SLC15A2: variants seen among roughly 807,000 people sequenced by gnomAD.
SLC15A2 encodes solute carrier family 15 member 2.
In SLC15A2, 77 loss-of-function variants were observed where a neutral mutation model predicts 95.5. The ratio of observed to expected loss-of-function variants is 0.81; its 90% CI spans 0.67 to 0.97. SLC15A2 has a LOEUF of 0.97. Among genes scored for constraint, SLC15A2 ranks in the 50% least tolerant of loss-of-function variants. The pLI, the probability that SLC15A2 is intolerant of heterozygous loss-of-function variation, is 0.00. For missense variants in SLC15A2, 893 were observed against 874.4 expected, an observed-to-expected ratio of 1.02 and a Z score of -0.27; for synonymous variants, 306 against 306.9, an observed-to-expected ratio of 1.00 and a Z score of 0.03.
rs142288462 is a variant in SLC15A2 at position 121,930,898 on chromosome 3, A to G, written c.1612A>G (p.Asn538Asp). 27 of 1,613,614 alleles carry G rather than the reference A, an allele frequency of 1.7e-5. No homozygotes were observed. The African/African-American group carries it at 3.6e-4, about 22-fold the overall frequency. ...NISLSTDTSL[N>D]VGEDYGVSAY... ...CTCCCTGAGTACAGATACCTCTCTC[A>G]ATGTTGGTGAAGACTATGGTGTGTC... The change falls in exon 18 of 22, where the codon AAT becomes GAT. Residue 538 changes from asparagine (N) to aspartate (D), a missense_variant. Asn to Asp is a conservative substitution (Grantham distance 23). Coordinates refer to ENST00000489711, the MANE Select transcript of SLC15A2 (RefSeq NM_021082.4).
intron 8 of SLC15A2, 127 bp from the exon 9 acceptor site, chr3:121,922,648 C>A: frequency 5.2e-6 from 3 of 581,740 alleles, no homozygotes; most frequent in East Asian, 5.9e-5. Flanking sequence ...AATTCAATGC[C>A]TGATTAGGTC....
rs777104856 is a variant in SLC15A2 at position 121,924,353 on chromosome 3, G to T, written c.1005G>T (p.Gly335=). ...LQAIRMNRNL[G]FFVLQPDQMQ... Reference sequence around the variant, plus strand: ...ATTAATTTGTTAAAATGTTTCAGGGGTTTTTTGTGCTTCAGCCGGACCAGA... The same window carrying T: ...ATTAATTTGTTAAAATGTTTCAGGGTTTTTTTGTGCTTCAGCCGGACCAGA... Residue 335 remains glycine (G), a splice_region_variant and synonymous_variant, in exon 12 of 22, where the codon GGG becomes GGT. Transcript: ENST00000489711. The T allele has an allele frequency of 3.7e-6, 6 of 1,612,734 alleles. No individual in the cohort carries two copies. Among genetic ancestry groups the T allele is most frequent in the East Asian group, 2.2e-5 (1 of 44,870 alleles).
At chr3:121,903,699 C>A (rs1709567141) in intron 3 of SLC15A2, among the ~76,000 whole-genome samples, 1 of 152,038 alleles carries the variant, frequency 6.6e-6, no homozygotes, top group Non-Finnish European at 1.5e-5. Context: ...TGTTCTGTTC[C>A]ATTGGTCTAT....
intron 7 of SLC15A2, among the ~76,000 whole-genome samples, chr3:121,921,643 G>T (rs1559848293): frequency 1.3e-5 from 2 of 152,110 alleles, no homozygotes; most frequent in South Asian, 2.1e-4. Flanking sequence ...CCAGGAGTTT[G>T]GGTCAGGTAA....
Position 121,931,643 on chromosome 3 carries a change from C to T in SLC15A2, c.1669C>T (p.Pro557Ser), listed in dbSNP as rs760481529. 6.2e-7 allele frequency: 1 copy of T among 1,606,254 alleles called. No homozygotes were observed. The highest frequency in any genetic ancestry group is 8.5e-7 in the Non-Finnish European group (1 of 1,173,004). Residue 557 changes from proline to serine, a missense_variant, in exon 19 of 22, where the codon CCT becomes TCT. By Grantham distance (74) the Pro-to-Ser change is moderately conservative. Transcript: ENST00000489711. ...AYRTVQRGEY[P>S]AVHCRTEDKN... ...CCTAAATTCATCCTGTTCCAGATAC[C>T]CTGCAGTGCACTGTAGAACAGAAGA...
At position 121,934,569 on chromosome 3, in the gene SLC15A2, G is replaced by T. The variant is rs1710301148; in HGVS notation, c.1761+2834G>T. ...TCATGATTTGGCTCTCTGTTTGTCT[G>T]TTATTGGTGTATAAGAATGCTTGTG... On this transcript the variant is annotated intron_variant, in intron 19 of 21. Coordinates refer to ENST00000489711, the MANE Select transcript of SLC15A2 (RefSeq NM_021082.4). 2.0e-5 allele frequency among the ~76,000 whole-genome samples: 3 copies of T among 150,646 alleles called. No homozygotes were observed. The South Asian group carries it at 6.3e-4, about 31-fold the overall frequency.
At chr3:121,897,332 T>G (rs924660339) in intron 2 of SLC15A2, 56 bp from the exon 3 acceptor site, 1 of 1,590,288 alleles carries the variant, frequency 6.3e-7, no homozygotes. Context: ...CATAAGTCAC[T>G]TTAATGCATC....
At chr3:121,920,267 C>T (rs1467846364) in intron 7 of SLC15A2, among the ~76,000 whole-genome samples, 8 of 152,060 alleles carry the variant, frequency 5.3e-5, no homozygotes, top group Non-Finnish European at 8.8e-5. Context: ...CAAAATTTTC[C>T]TTTGTCCAGG....
rs563688012 is a variant in SLC15A2, at chr3:121,924,273, C to A, written c.1003-78C>A. ...CATATGTTTCTCACTTGCTAACTAG[C>A]AAAATTATTGATCTAGGCCAACATT... On this transcript the variant is annotated intron_variant, in intron 11 of 21. Coordinates refer to ENST00000489711, the MANE Select transcript of SLC15A2 (RefSeq NM_021082.4). The A allele has an allele frequency of 8.8e-5, 112 of 1,271,600 alleles. 1 individual carries two copies. In the African/African-American group the frequency reaches 1.5e-3, roughly 17 times the overall value. 78.8% of individuals were successfully genotyped at this position (1,271,600 alleles called of 1,614,324 possible).
At position 121,941,205 on chromosome 3, in the gene SLC15A2, A is replaced by G. The variant is rs1204925057; in HGVS notation, c.*198A>G. Reference sequence around the variant, plus strand: ...CCAGAGACTCTATGTCTGCCCGTCCATCAGTGAACTCATTAAAACTTGTGC... The same window carrying G: ...CCAGAGACTCTATGTCTGCCCGTCCGTCAGTGAACTCATTAAAACTTGTGC... On this transcript the variant is annotated 3_prime_UTR_variant, in exon 22 of 22. Coordinates refer to ENST00000489711, the MANE Select transcript of SLC15A2 (RefSeq NM_021082.4). 2.0e-6 allele frequency: 1 copy of G among 499,966 alleles called. No homozygotes were observed. Among genetic ancestry groups the G allele is most frequent in the African/African-American group, 2.0e-5 (1 of 50,982 alleles). 31.0% of individuals were successfully genotyped at this position (499,966 alleles called of 1,614,324 possible). A position where few individuals can be genotyped will look rare whatever the true frequency, so the allele number is the denominator to read the frequency against.
intron 14 of SLC15A2, chr3:121,928,183 C>CCA (rs2107602434): frequency 1.7e-6 from 1 of 571,806 alleles, no homozygotes; most frequent in South Asian, 2.3e-5. Flanking sequence ...ACGGATGAGG[C>CCA]CACAGCTGAG....
chr3:121,926,530 G>A (rs949243119), intron 13 of SLC15A2, among the ~76,000 whole-genome samples: 1 of 152,230 alleles, frequency 6.6e-6, no homozygotes, highest in Non-Finnish European at 1.5e-5. Flanking sequence ...AAGAATGCTT[G>A]GCACCCTTCA....
Position 121,940,827 on chromosome 3 carries a change from G to A in SLC15A2, c.2014-4G>A, listed in dbSNP as rs778919649. The A allele has an allele frequency of 7.5e-6, 12 of 1,610,382 alleles. No homozygotes were observed. Among genetic ancestry groups the A allele is most frequent in the East Asian group, 6.7e-5 (3 of 44,872 alleles). On this transcript the variant is annotated splice_polypyrimidine_tract_variant and splice_region_variant and intron_variant, in intron 21 of 21. Coordinates refer to ENST00000489711, the MANE Select transcript of SLC15A2 (RefSeq NM_021082.4). ...ATTCTTCTCATATTTATTTCCCCCT[G>A]CAGTGGGCCGAATTCATTTTGTTTT...
intron 3 of SLC15A2, among the ~76,000 whole-genome samples, chr3:121,898,853 T>C (rs1285499113): frequency 6.6e-6 from 1 of 152,204 alleles, no homozygotes; most frequent in African/African-American, 2.4e-5. Flanking sequence ...TTGGCCGATA[T>C]ATGTTCATTA....
In SLC15A2 at chr3:121,928,919, C is replaced by T. The variant is rs556599205; in HGVS notation, c.1342-63C>T. On this transcript the variant is annotated intron_variant, in intron 15 of 21. Coordinates refer to ENST00000489711, the MANE Select transcript of SLC15A2 (RefSeq NM_021082.4). ...GGTCACCTACCCTGAGATGCTACAT[C>T]GTGATGTCCAATATGCAGTAGAAGG... is the stretch of plus-strand genomic sequence containing the variant. The T allele has an allele frequency of 7.8e-6, 12 of 1,546,894 alleles. No homozygotes were observed. In the East Asian group the frequency reaches 9.0e-5, roughly 12 times the overall value.
At chr3:121,897,117 A>G (rs1234449762) in intron 2 of SLC15A2, among the ~76,000 whole-genome samples, 1 of 151,464 alleles carries the variant, frequency 6.6e-6, no homozygotes, top group African/African-American at 2.4e-5. Context: ...TGTTATGTTC[A>G]TGGTTGGCCT....
At chr3:121,932,193 C>G (rs140193459) in intron 19 of SLC15A2, among the ~76,000 whole-genome samples, 50 of 152,220 alleles carry the variant, frequency 3.3e-4, no homozygotes, top group African/African-American at 9.2e-4. Flanking sequence ...CGTGAGTCAC[C>G]GCACCTGGCT....
intron 15 of SLC15A2, 72 bp from the exon 16 acceptor site, chr3:121,928,910 A>T: frequency 6.6e-7 from 1 of 1,520,260 alleles, no homozygotes; most frequent in Non-Finnish European, 9.0e-7. Flanking sequence ...CTACCCTGAG[A>T]TGCTACATCG....
At chr3:121,932,051 C>G (rs1221190579) in intron 19 of SLC15A2, among the ~76,000 whole-genome samples, 1 of 152,142 alleles carries the variant, frequency 6.6e-6, no homozygotes, top group African/African-American at 2.4e-5. Flanking sequence ...CAGGCACCCA[C>G]CACCACCATG....
Sources: allele counts gnomAD v4.1 joint callset (sites outside exome capture counted in the v4.1 genomes callset), GRCh38; gene constraint gnomAD v4.1.1; transcripts MANE v1.5; gene names NCBI Gene and HGNC (gene_info 2026-07-23, HGNC 2026-07-21).